Variants in EFCAB6 observed in about 807,000 individuals in gnomAD.
The protein encoded by EFCAB6 is EF-hand calcium-binding domain-containing protein 6.
Under a neutral mutation model 169.8 loss-of-function variants are expected in EFCAB6, and 156 were observed. That is an observed-to-expected ratio of 0.92 (90% confidence interval 0.81 to 1.05). The LOEUF is 1.05. Ranked by LOEUF, EFCAB6 falls within the 50% of genes least tolerant of loss-of-function variation. EFCAB6 has a pLI of 0.00. For missense variants in EFCAB6, 1,800 were observed against 1,829.1 expected, an observed-to-expected ratio of 0.98 and a Z score of 0.29; for synonymous variants, 698 against 676.4, an observed-to-expected ratio of 1.03 and a Z score of -0.50.
intron 10 of EFCAB6, among the ~76,000 whole-genome samples, chr22:43,690,389 G>GC (rs2058366982): frequency 6.6e-6 from 1 of 150,984 alleles, no homozygotes; most frequent in Non-Finnish European, 1.5e-5. Context: ...GGTGGCGGGT[G>GC]CCTGTAATCC....
chr22:43,717,037 C>A, intron 8 of EFCAB6, 65 bp from the exon 9 acceptor site: 1 of 1,380,882 alleles, frequency 7.2e-7, no homozygotes, highest in Non-Finnish European at 9.4e-7. Context: ...AATATTGTTT[C>A]ATTTTAATCA....
rs547903103 is a variant in EFCAB6, at chr22:43,686,259, C to T, written c.1142+1212G>A. On this transcript the variant is annotated intron_variant, in intron 11 of 31. Coordinates refer to ENST00000262726, the MANE Select transcript of EFCAB6 (RefSeq NM_022785.4). ...CCTCCCAACGTGCTGGGATTATAGG[C>T]GTGAGTCACCGTGCCAGCCTAAATA... Among the ~76,000 whole-genome samples the T allele has an allele frequency of 1.7e-4, 26 of 152,216 alleles. No homozygotes were observed. The South Asian group carries it at 5.4e-3, about 32-fold the overall frequency.
At chr22:43,569,859 G>T (rs1020973135) in intron 26 of EFCAB6, among the ~76,000 whole-genome samples, 1 of 151,986 alleles carries the variant, frequency 6.6e-6, no homozygotes, top group African/African-American at 2.4e-5. Context: ...CAAGAGCAAG[G>T]GTAAATAACA....
At chr22:43,664,248 A>G (rs758120757) in intron 17 of EFCAB6, among the ~76,000 whole-genome samples, 1 of 152,208 alleles carries the variant, frequency 6.6e-6, no homozygotes. Context: ...GCCCATGTCC[A>G]TCAGTCCTCA....
At chr22:43,574,370 C>T (rs963835564) in intron 26 of EFCAB6, among the ~76,000 whole-genome samples, 5 of 152,106 alleles carry the variant, frequency 3.3e-5, no homozygotes, top group Non-Finnish European at 7.4e-5. Context: ...AGCTCTGAAG[C>T]CGAACCCTCC....
chr22:43,740,256 C>T (rs1030615187), intron 6 of EFCAB6, among the ~76,000 whole-genome samples: 1 of 152,182 alleles, frequency 6.6e-6, no homozygotes, highest in Non-Finnish European at 1.5e-5. Flanking sequence ...CTTCAAATGG[C>T]ATCACCTCCT....
At chr22:43,561,958 G>T (rs2049064952) in intron 26 of EFCAB6, among the ~76,000 whole-genome samples, 1 of 152,144 alleles carries the variant, frequency 6.6e-6, no homozygotes, top group African/African-American at 2.4e-5. Flanking sequence ...AAAGGCGGGG[G>T]CTCGGCTGGG....
At position 43,696,652 on chromosome 22, in the gene EFCAB6, T is replaced by C. The variant is rs557892761; in HGVS notation, c.1032-9071A>G. Among the ~76,000 whole-genome samples the C allele has an allele frequency of 1.7e-4, 26 of 152,294 alleles. No homozygotes were observed. In the South Asian group the frequency reaches 3.7e-3, roughly 22 times the overall value. On this transcript the variant is annotated intron_variant, in intron 10 of 31. Transcript: ENST00000262726. ...TGGGATGTTGAGATATGCAACAACA[T>C]GGATCAATCTTTAAAACATGGTAAG...
intron 4 of EFCAB6, among the ~76,000 whole-genome samples, chr22:43,767,384 T>G (rs935069561): frequency 2.6e-5 from 4 of 152,196 alleles, no homozygotes; most frequent in Non-Finnish European, 5.9e-5. Context: ...AGATATAATT[T>G]TGAGCAAGCA....
At chr22:43,620,607 GGAA>G (rs1459129546) in intron 20 of EFCAB6, among the ~76,000 whole-genome samples, 1 of 152,138 alleles carries the variant, frequency 6.6e-6, no homozygotes, top group Non-Finnish European at 1.5e-5. Context: ...GTTCTTCAGG[GGAA>G]GAAGAATGAT....
At chr22:43,692,274 A>G (rs1048514376) in intron 10 of EFCAB6, among the ~76,000 whole-genome samples, 8 of 152,306 alleles carry the variant, frequency 5.3e-5, no homozygotes, top group African/African-American at 1.9e-4. Flanking sequence ...CAGAAAGAAC[A>G]TTCATTAGAA....
intron 10 of EFCAB6, among the ~76,000 whole-genome samples, chr22:43,690,254 C>T (rs1234786400): frequency 6.7e-6 from 1 of 149,528 alleles, no homozygotes; most frequent in African/African-American, 2.5e-5. Context: ...AATCCCAGCA[C>T]TTTGGGAGGC....
At chr22:43,761,462 A>T (rs1389472653) in intron 5 of EFCAB6, among the ~76,000 whole-genome samples, 1 of 151,880 alleles carries the variant, frequency 6.6e-6, no homozygotes, top group Non-Finnish European at 1.5e-5. Context: ...GCTGTGTTTA[A>T]TCCACTATTT....
At chr22:43,766,199 A>G (rs1447129147) in intron 4 of EFCAB6, among the ~76,000 whole-genome samples, 2 of 151,974 alleles carry the variant, frequency 1.3e-5, no homozygotes, top group Non-Finnish European at 2.9e-5. Context: ...CACCCAGCTA[A>G]TTTTTGAATT....
At chr22:43,745,037 G>T (rs1337794555) in intron 6 of EFCAB6, among the ~76,000 whole-genome samples, 1 of 152,338 alleles carries the variant, frequency 6.6e-6, no homozygotes, top group East Asian at 1.9e-4. Flanking sequence ...AAGAGAGGGA[G>T]ATTCAGCAGC....
chr22:43,660,980 C>T (rs1354059112), intron 17 of EFCAB6, among the ~76,000 whole-genome samples: 3 of 152,150 alleles, frequency 2.0e-5, no homozygotes, highest in Non-Finnish European at 4.4e-5. Context: ...GGAAGAGAAA[C>T]AATTCAGACA....
At chr22:43,738,030 C>G (rs1279342236) in intron 6 of EFCAB6, among the ~76,000 whole-genome samples, 1 of 148,466 alleles carries the variant, frequency 6.7e-6, no homozygotes, top group African/African-American at 2.5e-5. Context: ...ACACACACAC[C>G]TGCATATACT....
chr22:43,678,135 T>G lies in EFCAB6; in HGVS notation c.1280A>C (p.Glu427Ala), dbSNP rs1312047858. ...TKPDGPITREEFRYILNCMAV... is the reference protein window; with the variant it reads ...TKPDGPITREAFRYILNCMAV... ...CATGCAATTTAGAATATATCGAAATTCTTCTCTTGTTATCGGTCCATCGGG... is the reference window on the plus strand; with the variant it reads ...CATGCAATTTAGAATATATCGAAATGCTTCTCTTGTTATCGGTCCATCGGG... Residue 427 changes from glutamate (E) to alanine (A), a missense_variant, in exon 13 of 32, where the codon GAA (glutamate) becomes GCA (alanine). By Grantham distance (107) the Glu-to-Ala change is moderately radical. Transcript: ENST00000262726. 1 of 1,613,340 alleles carries G rather than the reference T, an allele frequency of 6.2e-7. No individual in the cohort carries two copies. The highest frequency in any genetic ancestry group is 2.2e-5 in the East Asian group (1 of 44,856).
intron 24 of EFCAB6, among the ~76,000 whole-genome samples, chr22:43,581,658 C>G (rs1415851891): frequency 1.3e-5 from 2 of 152,206 alleles, no homozygotes; most frequent in East Asian, 3.9e-4. Context: ...GCATTGGGCT[C>G]AAGTGTCAAC....
Sources: gnomAD v4.1 joint callset for allele counts (sites outside exome capture counted in the v4.1 genomes callset) on GRCh38, gnomAD v4.1.1 for gene constraint, MANE v1.5 for transcripts, NCBI Gene and HGNC (gene_info 2026-07-23, HGNC 2026-07-21) for gene names.